The following CERKL variants were observed in gnomAD, a reference collection of about 807,000 sequenced individuals.
CERKL encodes the protein CERK like autophagy regulator.
A neutral mutation model predicts 63.4 loss-of-function variants in CERKL; 61 were observed. The ratio of observed to expected loss-of-function variants is 0.96; its 90% CI spans 0.78 to 1.19. The LOEUF is 1.19. Ranked by LOEUF, CERKL falls within the 50% of genes most tolerant of loss-of-function variation. CERKL has a pLI of 0.00. For synonymous variants in CERKL, 250 were observed against 230.5 expected, an observed-to-expected ratio of 1.08 and a Z score of -0.77; for missense variants, 675 against 655.5, an observed-to-expected ratio of 1.03 and a Z score of -0.33.
intron 1 of CERKL, among the ~76,000 whole-genome samples, chr2:181,650,666 G>C (rs1687889261): frequency 6.6e-6 from 1 of 152,066 alleles, no homozygotes; most frequent in Non-Finnish European, 1.5e-5. Flanking sequence ...GGCTGAGGCA[G>C]TAGAATTGCT....
chr2:181,591,573 T>G (rs781134079), intron 2 of CERKL, among the ~76,000 whole-genome samples: 1 of 152,162 alleles, frequency 6.6e-6, no homozygotes, highest in Non-Finnish European at 1.5e-5. Flanking sequence ...GCAAGTTTAT[T>G]TTTCTTAGTG....
intron 1 of CERKL, among the ~76,000 whole-genome samples, chr2:181,636,481 G>A (rs1185375356): frequency 6.6e-6 from 1 of 151,102 alleles, no homozygotes; most frequent in Non-Finnish European, 1.5e-5. Flanking sequence ...AAAAAAAACA[G>A]AAATACTTGA....
chr2:181,634,397 C>A lies in CERKL; in HGVS notation c.238+22372G>T, dbSNP rs560422563. Among the ~76,000 whole-genome samples, 3 of 152,148 alleles carry A rather than the reference C, an allele frequency of 2.0e-5. No individual in the cohort carries two copies. The South Asian group carries it at 6.2e-4, about 32-fold the overall frequency. Reference sequence around the variant, plus strand: ...GCTCCTTATGGCAATATGATAATATCCGTATCAAATGCACAACACATTATG... The same window carrying A: ...GCTCCTTATGGCAATATGATAATATACGTATCAAATGCACAACACATTATG... On this transcript the variant is annotated intron_variant, in intron 1 of 12. Transcript: ENST00000410087.
chr2:181,557,344 G>C (rs1688256554), intron 5 of CERKL, among the ~76,000 whole-genome samples: 1 of 152,122 alleles, frequency 6.6e-6, no homozygotes, highest in African/African-American at 2.4e-5. Context: ...GTATTGCCTA[G>C]GTTTTCTTCT....
chr2:181,557,995 G>C (rs564312157), intron 5 of CERKL, among the ~76,000 whole-genome samples: 5 of 152,270 alleles, frequency 3.3e-5, no homozygotes, highest in African/African-American at 1.2e-4. Context: ...CTGTGGCATA[G>C]TCTATTCTAG....
chr2:181,633,683 T>C (rs1318557691), intron 1 of CERKL, among the ~76,000 whole-genome samples: 1 of 152,088 alleles, frequency 6.6e-6, no homozygotes, highest in Admixed American at 6.6e-5. Flanking sequence ...GCAATGGAAA[T>C]CTCAATTGTT....
At chr2:181,635,610 A>G (rs1574052805) in intron 1 of CERKL, among the ~76,000 whole-genome samples, 1 of 152,324 alleles carries the variant, frequency 6.6e-6, no homozygotes, top group South Asian at 2.1e-4. Flanking sequence ...ACATGCTAAC[A>G]GCTGCTCAAT....
In CERKL at chr2:181,537,575, G is replaced by GAAATCTGTATTAT. The variant is rs1402161187; in HGVS notation, c.*596_*608dup. On this transcript the variant is annotated 3_prime_UTR_variant, in exon 13 of 13. Coordinates refer to ENST00000410087, the MANE Select transcript of CERKL (RefSeq NM_201548.5). Reference sequence around the variant, plus strand: ...GAGCAGTGAATCAAGGCAGACTTATGAAATCTGTATTATATTTGTAACAGA... The same window carrying GAAATCTGTATTAT: ...GAGCAGTGAATCAAGGCAGACTTATGAAATCTGTATTATAAATCTGTATTATATTTGTAACAGA... 4.6e-6 allele frequency: 2 copies of GAAATCTGTATTAT among 432,056 alleles called. No individual in the cohort carries two copies. Among genetic ancestry groups the GAAATCTGTATTAT allele is most frequent in the Non-Finnish European group, 9.2e-6 (2 of 216,964 alleles). 26.8% of individuals were successfully genotyped at this position (432,056 alleles called of 1,614,324 possible). A position where few individuals can be genotyped will look rare whatever the true frequency, so the allele number is the denominator to read the frequency against.
intron 2 of CERKL, among the ~76,000 whole-genome samples, chr2:181,589,820 G>C (rs371675957): frequency 1.3e-5 from 2 of 148,258 alleles, no homozygotes; most frequent in African/African-American, 4.9e-5. Context: ...TCCACAAAAG[G>C]TATGTATGTA....
At chr2:181,608,826 A>T (rs1476439272) in intron 1 of CERKL, among the ~76,000 whole-genome samples, 1 of 152,188 alleles carries the variant, frequency 6.6e-6, no homozygotes, top group East Asian at 1.9e-4. Context: ...TTTTTTTTGT[A>T]AAATCCAAAA....
rs1056796044 is a variant in CERKL, at chr2:181,550,712, A to G, written c.821-1004T>C. ...TCAATTTGTGTTACTTTGAACTGATATGTACTTGGGTTGCTAAATTGGAGA... is the reference window on the plus strand; with the variant it reads ...TCAATTTGTGTTACTTTGAACTGATGTGTACTTGGGTTGCTAAATTGGAGA... On this transcript the variant is annotated intron_variant, in intron 5 of 12. Coordinates refer to ENST00000410087, the MANE Select transcript of CERKL (RefSeq NM_201548.5). This position sits in a 1 kb window ranked among gnomAD's most constrained non-coding sequence, Gnocchi z 4.5. 2.6e-5 allele frequency among the ~76,000 whole-genome samples: 4 copies of G among 152,272 alleles called. No individual in the cohort carries two copies. In the East Asian group the frequency reaches 7.7e-4, roughly 29 times the overall value.
At chr2:181,549,051 A>G (rs1687869192) in intron 6 of CERKL, among the ~76,000 whole-genome samples, 194 bp from the exon 7 acceptor site, 1 of 152,204 alleles carries the variant, frequency 6.6e-6, no homozygotes, top group Non-Finnish European at 1.5e-5. Context: ...TTCAGGTACT[A>G]GTGAAGAAAC....
In CERKL at chr2:181,606,215, G is replaced by A. The variant is rs558780297; in HGVS notation, c.239-2136C>T. On this transcript the variant is annotated intron_variant, in intron 1 of 12. Transcript: ENST00000410087. ...AAGGAAAGAAAGGAAAAGAAAGACA[G>A]GAAGGAAAGGAAGGAAGGGAGGATG... Among the ~76,000 whole-genome samples the A allele has an allele frequency of 2.1e-4, 24 of 113,148 alleles. No individual in the cohort carries two copies. The South Asian group carries it at 5.6e-3, about 26-fold the overall frequency. 74.2% of individuals were successfully genotyped at this position (113,148 alleles called of 152,430 possible). A position where few individuals can be genotyped will look rare whatever the true frequency, so the allele number is the denominator to read the frequency against.
chr2:181,638,154 A>T (rs1278090297), intron 1 of CERKL, among the ~76,000 whole-genome samples: 2 of 152,188 alleles, frequency 1.3e-5, no homozygotes, highest in Non-Finnish European at 2.9e-5. Flanking sequence ...TTCTTTAAAA[A>T]CAAAACAAAA....
At chr2:181,549,532 A>G (rs1687893574) in intron 6 of CERKL, 102 bp downstream of exon 6, 1 of 941,772 alleles carries the variant, frequency 1.1e-6, no homozygotes, top group Non-Finnish European at 1.7e-6. Context: ...CTAAGAGACA[A>G]AGAACCTGCC....
intron 2 of CERKL, among the ~76,000 whole-genome samples, chr2:181,577,643 G>T (rs934029373): frequency 6.6e-6 from 1 of 152,156 alleles, no homozygotes; most frequent in Admixed American, 6.5e-5. Flanking sequence ...GGTGTCTGGA[G>T]TTGAGGAGGG....
At chr2:181,656,654 G>T in intron 1 of CERKL, 115 bp downstream of exon 1, 1 of 901,838 alleles carries the variant, frequency 1.1e-6, no homozygotes, top group Non-Finnish European at 1.6e-6. Flanking sequence ...GCGAGCACGG[G>T]GAGGGGAGGC....
At chr2:181,606,251 A>AGGAAGGAAGACAAGGC (rs1685677118) in intron 1 of CERKL, among the ~76,000 whole-genome samples, 1 of 116,246 alleles carries the variant, frequency 8.6e-6, no homozygotes, top group Non-Finnish European at 1.7e-5. Context: ...GAAGACAAGG[A>AGGAAGGAAGACAAGGC]GGAAGACAGG....
At chr2:181,630,674 CA>C (rs1686919417) in intron 1 of CERKL, among the ~76,000 whole-genome samples, 1 of 152,164 alleles carries the variant, frequency 6.6e-6, no homozygotes, top group Admixed American at 6.5e-5. Flanking sequence ...ACCCCAATGG[CA>C]CCTTGATTTT....
Sources: allele counts gnomAD v4.1 joint callset (sites outside exome capture counted in the v4.1 genomes callset), GRCh38; gene constraint gnomAD v4.1.1; non-coding constraint Gnocchi (gnomAD v3.1); transcripts MANE v1.5; gene names NCBI Gene and HGNC (gene_info 2026-07-23, HGNC 2026-07-21).